SLTM: variants seen among roughly 807,000 people sequenced by gnomAD.
SLTM encodes SAFB like transcription modulator, also known as SAFB-like transcription modulator.
SLTM carries 43 observed loss-of-function variants against 134.6 expected under a neutral mutation model. The observed-to-expected ratio is 0.32, with a 90% CI of 0.25 to 0.41. The LOEUF (loss-of-function observed/expected upper bound fraction) is 0.41, where lower values mean the gene tolerates loss of function less well. SLTM is among the 10% of genes least tolerant of loss of function. The pLI, the probability that SLTM is intolerant of heterozygous loss-of-function variation, is 1.00. For missense variants in SLTM, 1,055 were observed against 1,288.8 expected (o/e 0.82, Z 2.78); for synonymous variants, 424 against 432.3 (o/e 0.98, Z 0.24).
intron 2 of SLTM, among the ~76,000 whole-genome samples, chr15:58,918,373 C>T (rs188131359): frequency 1.7e-3 from 258 of 152,234 alleles, no homozygotes; most frequent in Admixed American, 3.4e-3. Context: ...GAGGTTTAGC[C>T]GTTGGAATAA....
At chr15:58,917,073 C>T in intron 2 of SLTM, 74 bp from the exon 3 acceptor site, 1 of 1,361,592 alleles carries the variant, frequency 7.3e-7, no homozygotes, top group Non-Finnish European at 1.0e-6. Flanking sequence ...AGAGTTTACC[C>T]TGCAATAGCA....
rs2036428248 is a variant in SLTM at position 58,913,566 on chromosome 15, T to C, written c.446A>G (p.Lys149Arg). Residue 149 changes from lysine to arginine, a missense_variant, in exon 4 of 21, where the codon AAG becomes AGG. Coordinates refer to ENST00000380516, the MANE Select transcript of SLTM (RefSeq NM_024755.4). The stretch of plus-strand genomic sequence containing the variant: ...TGCCTCTATTAATTCATGAGCTCTC[T>C]TGTTTTCTTCTGCAGAGAGTAACTC... ...SKELLSAEEN[K>R]RAHELIEAEG... 5.0e-6 allele frequency: 8 copies of C among 1,613,508 alleles called. No individual in the cohort carries two copies. The highest frequency in any genetic ancestry group is 5.1e-6 in the Non-Finnish European group (6 of 1,179,866).
At chr15:58,916,277 G>A (rs191921067) in intron 3 of SLTM, among the ~76,000 whole-genome samples, 6 of 151,072 alleles carry the variant, frequency 4.0e-5, no homozygotes, top group Non-Finnish European at 8.8e-5. Flanking sequence ...GAGTTCAAGC[G>A]ATTCTCCTGC....
In SLTM at chr15:58,897,226, T is replaced by C; in HGVS notation, c.1116A>G (p.Thr372=). The C allele has an allele frequency of 6.4e-7, 1 of 1,569,310 alleles. No homozygotes were observed. The highest frequency in any genetic ancestry group is 1.1e-5 in the South Asian group (1 of 90,112). The change falls in exon 9 of 21, where the codon ACA becomes ACG. Residue 372 remains threonine (T), a synonymous_variant. Transcript: ENST00000380516. ...KTSSKDDKGS[T]SSTSGSSGSS... ...TTCCACTGCTACCACTAGTACTACT[T>C]GTACTTCCTAGAATAGATTTAATAT...
At chr15:58,923,036 G>A (rs2037206880) in intron 2 of SLTM, among the ~76,000 whole-genome samples, 2 of 152,060 alleles carry the variant, frequency 1.3e-5, no homozygotes, top group African/African-American at 4.8e-5. Context: ...TTTTCTGACT[G>A]ATAATGGAGT....
chr15:58,917,137 C>G (rs1475027769), intron 2 of SLTM, 138 bp from the exon 3 acceptor site: 1 of 703,742 alleles, frequency 1.4e-6, no homozygotes, highest in Non-Finnish European at 2.4e-6. Context: ...TCTAAACCAC[C>G]TGCTCAGAGC....
At chr15:58,884,999 C>T (rs1253839023) in intron 19 of SLTM, among the ~76,000 whole-genome samples, 3 of 152,210 alleles carry the variant, frequency 2.0e-5, no homozygotes, top group Non-Finnish European at 4.4e-5. Flanking sequence ...ATTTCAAATA[C>T]TTGGATCTTA....
chr15:58,923,946 C>G (rs1416684197), intron 2 of SLTM, among the ~76,000 whole-genome samples: 1 of 151,710 alleles, frequency 6.6e-6, no homozygotes, highest in Non-Finnish European at 1.5e-5. Context: ...TCCTGAGTAG[C>G]TGGGATTATA....
chr15:58,890,590 G>GT (rs1298844602), intron 14 of SLTM, 129 bp from the exon 15 acceptor site: 1 of 880,066 alleles, frequency 1.1e-6, no homozygotes, highest in African/African-American at 1.7e-5. Flanking sequence ...TAGTTTTAAT[G>GT]TAATTGGAAA....
intron 5 of SLTM, among the ~76,000 whole-genome samples, chr15:58,908,736 A>G (rs946073139): frequency 2.6e-5 from 4 of 152,212 alleles, no homozygotes; most frequent in Admixed American, 1.3e-4. Context: ...CTAGATATGT[A>G]TCAGTGGGTG....
At chr15:58,896,830 C>T (rs954943939) in intron 9 of SLTM, among the ~76,000 whole-genome samples, 6 of 152,120 alleles carry the variant, frequency 3.9e-5, no homozygotes, top group Admixed American at 6.5e-5. Context: ...TCCCAAGCTA[C>T]GTGCTACAAA....
chr15:58,886,215 A>G (rs950146268), intron 19 of SLTM, among the ~76,000 whole-genome samples: 6 of 136,936 alleles, frequency 4.4e-5, no homozygotes, highest in South Asian at 5.1e-4. Context: ...GGAGAAAAAG[A>G]AGAGTGTGTG....
intron 19 of SLTM, among the ~76,000 whole-genome samples, chr15:58,886,154 T>C (rs2034165326): frequency 1.3e-5 from 2 of 150,308 alleles, no homozygotes; most frequent in South Asian, 2.1e-4. Context: ...AGACAAAAAA[T>C]AGACAAAAGT....
chr15:58,896,644 T>G (rs2035102985), intron 9 of SLTM, among the ~76,000 whole-genome samples: 1 of 152,218 alleles, frequency 6.6e-6, no homozygotes, highest in Non-Finnish European at 1.5e-5. Flanking sequence ...ACCATTCTCA[T>G]GCCTATATAT....
intron 2 of SLTM, among the ~76,000 whole-genome samples, chr15:58,918,664 C>T (rs189656711): frequency 6.6e-6 from 1 of 152,268 alleles, no homozygotes. Context: ...TTGGGGAAAA[C>T]ATAACTTTTT....
intron 2 of SLTM, among the ~76,000 whole-genome samples, chr15:58,927,712 C>T (rs1374942320): frequency 6.6e-6 from 1 of 152,210 alleles, no homozygotes; most frequent in East Asian, 1.9e-4. Flanking sequence ...AAACTATGTC[C>T]TGGCCTTCAG....
chr15:58,932,207 A>T (rs2037928342), intron 2 of SLTM, 149 bp downstream of exon 2: 2 of 631,752 alleles, frequency 3.2e-6, no homozygotes, highest in Non-Finnish European at 2.9e-6. Flanking sequence ...GCCTGGCAAC[A>T]GTAACTTTTC....
At chr15:58,884,290 G>T (rs2033997904) in intron 19 of SLTM, among the ~76,000 whole-genome samples, 2 of 152,014 alleles carry the variant, frequency 1.3e-5, no homozygotes, top group South Asian at 2.1e-4. Context: ...TCAGGGAAGG[G>T]TATGGAGGAA....
At chr15:58,914,955 G>C (rs1198011337) in intron 3 of SLTM, among the ~76,000 whole-genome samples, 1 of 152,186 alleles carries the variant, frequency 6.6e-6, no homozygotes, top group Non-Finnish European at 1.5e-5. Context: ...TAGCATCTTA[G>C]GAGGCCGACG....
Sources: gnomAD v4.1 joint callset for allele counts (sites outside exome capture counted in the v4.1 genomes callset) on GRCh38, gnomAD v4.1.1 for gene constraint, MANE v1.5 for transcripts, NCBI Gene and HGNC (gene_info 2026-07-23, HGNC 2026-07-21) for gene names.